Variants in UNC13C observed in about 807,000 individuals in gnomAD.
UNC13C encodes unc-13 homolog C.
Under a neutral mutation model 245.4 loss-of-function variants are expected in UNC13C, and 174 were observed. That is an observed-to-expected ratio of 0.71 (90% CI 0.63 to 0.80). UNC13C has a LOEUF of 0.80. Ranked by LOEUF, UNC13C falls within the 30% of genes least tolerant of loss-of-function variation. UNC13C has a pLI of 0.00. For synonymous variants in UNC13C, 992 were observed against 895.1 expected (o/e 1.11, Z -1.93); for missense variants, 2,829 against 2,602.9 (o/e 1.09, Z -1.89).
Position 54,627,612 on chromosome 15 carries a change from G to A in UNC13C, c.*499G>A, listed in dbSNP as rs1901268778. ...TATAGTCGCAGATATTGTGATTTTT[G>A]CATACACATTAAAATAGAAAAGGTG... On this transcript the variant is annotated 3_prime_UTR_variant, in exon 33 of 33. Transcript: ENST00000260323. 6.5e-6 allele frequency: 1 copy of A among 152,702 alleles called. No individual in the cohort carries two copies. Among genetic ancestry groups the A allele is most frequent in the African/African-American group, 2.4e-5 (1 of 41,416 alleles). The allele number at this position is 152,702 out of a possible 1,614,324, so 9.5% of individuals were successfully genotyped here.
At chr15:54,205,246 G>C (rs1229568942) in intron 4 of UNC13C, among the ~76,000 whole-genome samples, 1 of 151,852 alleles carries the variant, frequency 6.6e-6, no homozygotes, top group Non-Finnish European at 1.5e-5. Flanking sequence ...ATTTGTTATT[G>C]TTTCTGTTTA....
chr15:54,170,651 T>C (rs1168892711), intron 4 of UNC13C, among the ~76,000 whole-genome samples: 1 of 152,182 alleles, frequency 6.6e-6, no homozygotes, highest in Admixed American at 6.5e-5. Flanking sequence ...TGTTATACTA[T>C]ACATCCTGTA....
At chr15:54,172,154 T>C (rs754753937) in intron 4 of UNC13C, among the ~76,000 whole-genome samples, 6 of 151,896 alleles carry the variant, frequency 4.0e-5, no homozygotes, top group Non-Finnish European at 7.4e-5. Flanking sequence ...AATACAAAAA[T>C]AGAGTTAGAT....
intron 10 of UNC13C, among the ~76,000 whole-genome samples, chr15:54,267,596 A>AT (rs200669696): frequency 1.7e-4 from 26 of 150,650 alleles, no homozygotes; most frequent in East Asian, 7.8e-4. Context: ...TGTCATTTTA[A>AT]TTTTTTTTTG....
chr15:54,162,388 G>A (rs2033012386), intron 4 of UNC13C, among the ~76,000 whole-genome samples: 1 of 152,168 alleles, frequency 6.6e-6, no homozygotes, highest in Non-Finnish European at 1.5e-5. Flanking sequence ...AGACCAGAAG[G>A]CATTCAAAGA....
intron 17 of UNC13C, among the ~76,000 whole-genome samples, chr15:54,376,983 A>C (rs571845131): frequency 3.3e-5 from 5 of 152,358 alleles, no homozygotes; most frequent in African/African-American, 1.2e-4. Context: ...TAAGGGAGCC[A>C]GAAAAGGAGC....
intron 30 of UNC13C, among the ~76,000 whole-genome samples, chr15:54,589,212 T>G (rs1032588403): frequency 5.9e-5 from 9 of 151,844 alleles, no homozygotes; most frequent in African/African-American, 2.2e-4. Context: ...TGGTTTTGAT[T>G]TGCATTTCGT....
chr15:53,994,591 T>G (rs976299268), intron 1 of UNC13C, among the ~76,000 whole-genome samples: 5 of 152,062 alleles, frequency 3.3e-5, no homozygotes, highest in Non-Finnish European at 5.9e-5. Flanking sequence ...TATGTTCTAG[T>G]CTGTTTTCTC....
chr15:54,164,161 AAGG>A (rs764118996), intron 4 of UNC13C, among the ~76,000 whole-genome samples: 1 of 152,152 alleles, frequency 6.6e-6, no homozygotes, highest in Non-Finnish European at 1.5e-5. Context: ...AGAAAGGAAA[AAGG>A]AGAGCTAGCT....
At chr15:54,573,324 T>C (rs1381862610) in intron 30 of UNC13C, among the ~76,000 whole-genome samples, 2 of 152,208 alleles carry the variant, frequency 1.3e-5, no homozygotes, top group African/African-American at 4.8e-5. Context: ...ATACAAGGAA[T>C]TGAATCCCAT....
chr15:54,270,857 G>T (rs533310507), intron 10 of UNC13C, among the ~76,000 whole-genome samples: 1 of 151,956 alleles, frequency 6.6e-6, no homozygotes. Context: ...AGCAGAAATT[G>T]GGAAGTGTGA....
chr15:54,050,273 T>G, intron 2 of UNC13C: 1 of 572,282 alleles, frequency 1.7e-6, no homozygotes, highest in Non-Finnish European at 3.4e-6. Flanking sequence ...TGTCGGCCAC[T>G]GAAGAGGTTT....
chr15:54,262,108 A>T (rs1026819816), intron 8 of UNC13C, among the ~76,000 whole-genome samples: 1 of 152,202 alleles, frequency 6.6e-6, no homozygotes, highest in Admixed American at 6.5e-5. Flanking sequence ...ATTCCTTTAG[A>T]TGAAAAATCT....
intron 7 of UNC13C, among the ~76,000 whole-genome samples, chr15:54,241,237 G>C (rs12442051): frequency 0.062 from 9,427 of 152,176 alleles, 536 homozygotes; most frequent in East Asian, 0.23. Flanking sequence ...CAGGCTTCTA[G>C]GAAGTGTTCA....
At chr15:54,091,885 T>A (rs1899594126) in intron 2 of UNC13C, among the ~76,000 whole-genome samples, 2 of 152,348 alleles carry the variant, frequency 1.3e-5, no homozygotes, top group African/African-American at 2.4e-5. Flanking sequence ...GTCTTAGTGT[T>A]CTCATTGTTG....
At chr15:54,203,658 A>G (rs945346972) in intron 4 of UNC13C, among the ~76,000 whole-genome samples, 1 of 148,760 alleles carries the variant, frequency 6.7e-6, no homozygotes, top group Admixed American at 6.8e-5. Flanking sequence ...CAGTCATAAT[A>G]TATACATTTT....
intron 17 of UNC13C, among the ~76,000 whole-genome samples, chr15:54,373,180 T>A (rs529968364): frequency 6.6e-6 from 1 of 152,194 alleles, no homozygotes; most frequent in South Asian, 2.1e-4. Context: ...CACTGGAAAT[T>A]AAGGGCAATT....
At chr15:54,303,175 T>C (rs963174563) in intron 13 of UNC13C, among the ~76,000 whole-genome samples, 5 of 152,146 alleles carry the variant, frequency 3.3e-5, no homozygotes, top group Non-Finnish European at 5.9e-5. Context: ...CTCACTACTT[T>C]GGAGGGAACT....
intron 2 of UNC13C, among the ~76,000 whole-genome samples, chr15:54,116,406 A>G (rs147857458): frequency 3.7e-4 from 57 of 152,220 alleles, no homozygotes; most frequent in African/African-American, 1.3e-3. Flanking sequence ...GTGCCCACTA[A>G]TCAGCCTATC....
Sources: gnomAD v4.1 joint callset for allele counts (sites outside exome capture counted in the v4.1 genomes callset) on GRCh38, gnomAD v4.1.1 for gene constraint, MANE v1.5 for transcripts, NCBI Gene and HGNC (gene_info 2026-07-23, HGNC 2026-07-21) for gene names.